The following FES variants were observed in gnomAD, a reference collection of about 807,000 sequenced individuals.
FES encodes tyrosine-protein kinase Fes/Fps.
A neutral mutation model predicts 109.6 loss-of-function variants in FES; 83 were observed. That is an observed-to-expected ratio of 0.76 (90% CI 0.63 to 0.91). The LOEUF (loss-of-function observed/expected upper bound fraction) is 0.91, where lower values mean the gene tolerates loss of function less well. Ranked by LOEUF, FES falls within the 40% of genes least tolerant of loss-of-function variation. FES has a pLI of 0.00. For synonymous variants in FES, 458 were observed against 442.1 expected, an observed-to-expected ratio of 1.04 and a Z score of -0.45; for missense variants, 943 against 1,070.9, an observed-to-expected ratio of 0.88 and a Z score of 1.67.
rs764010129 is a variant in FES at position 90,890,943 on chromosome 15, G to A, written c.1321-39G>A. On this transcript the variant is annotated intron_variant, in intron 10 of 18. Transcript: ENST00000328850. ...GCTGCCCCCACGGCCTCTTCAACAA[G>A]GTGGTTAAGTGACTCCTCCTCGATC... The A allele has an allele frequency of 3.4e-5, 52 of 1,540,502 alleles. No homozygotes were observed. The African/African-American group carries it at 6.0e-4, about 18-fold the overall frequency.
rs1035137581 is a variant in FES, at chr15:90,891,367, T to A, written c.1530+176T>A. On this transcript the variant is annotated intron_variant, in intron 11 of 18. Coordinates refer to ENST00000328850, the MANE Select transcript of FES (RefSeq NM_002005.4). ...CTGTCCCTGCAACAAAATAGAGGCT[T>A]AAGTGTGAGTCCTCCCCTGGTGGGG... 4 of 1,045,768 alleles carry A rather than the reference T, an allele frequency of 3.8e-6. No individual in the cohort carries two copies. In the Admixed American group the frequency reaches 8.3e-5, roughly 22 times the overall value. 64.8% of individuals were successfully genotyped at this position (1,045,768 alleles called of 1,614,324 possible).
chr15:90,893,827 C>G lies in FES; in HGVS notation c.2203+16C>G, dbSNP rs190872088. On this transcript the variant is annotated intron_variant, in intron 17 of 18. Coordinates refer to ENST00000328850, the MANE Select transcript of FES (RefSeq NM_002005.4). ...CTTAACTACGGTACCTAGTCCCTGT[C>G]TACCCTGGACTCCATGGCCAGAGGC... 5.0e-6 allele frequency: 8 copies of G among 1,591,648 alleles called. No individual in the cohort carries two copies. Among genetic ancestry groups the G allele is most frequent in the East Asian group, 2.2e-5 (1 of 44,650 alleles).
Position 90,887,382 on chromosome 15 carries a change from G to A in FES, c.668+12G>A, listed in dbSNP as rs1285655489. Reference sequence around the variant, plus strand: ...ATGGCTTGCATCCTGTAAGCCCGCAGCCCCGTCCCCTGGCCCCCACCCTTG... The same window carrying A: ...ATGGCTTGCATCCTGTAAGCCCGCAACCCCGTCCCCTGGCCCCCACCCTTG... On this transcript the variant is annotated intron_variant, in intron 5 of 18. Transcript: ENST00000328850. 7.5e-6 allele frequency: 12 copies of A among 1,600,616 alleles called. No individual in the cohort carries two copies. The highest frequency in any genetic ancestry group is 1.0e-5 in the Non-Finnish European group (12 of 1,172,334).
chr15:90,894,098 T>A (rs1256758913), intron 18 of FES, 40 bp downstream of exon 18: 1 of 1,607,026 alleles, frequency 6.2e-7, no homozygotes, highest in Middle Eastern at 1.7e-4. Flanking sequence ...GGCTGCACCC[T>A]CTTCCAGATG....
chr15:90,894,778 GAAA>G (rs978438126), intron 18 of FES, among the ~76,000 whole-genome samples: 1 of 149,752 alleles, frequency 6.7e-6, no homozygotes, highest in African/African-American at 2.5e-5. Flanking sequence ...ACTCGAAAAA[GAAA>G]AAAACCTGGG....
chr15:90,890,066 A>G (rs746693227), intron 8 of FES, 26 bp from the exon 9 acceptor site: 33 of 1,523,336 alleles, frequency 2.2e-5, no homozygotes, highest in Non-Finnish European at 2.7e-5. Context: ...ATTCTCATCC[A>G]CCCTCCCACC....
chr15:90,891,065 A>C lies in FES; in HGVS notation c.1404A>C (p.Ala468=), dbSNP rs755183833. The change falls in exon 11 of 19, where the codon GCA becomes GCC. Residue 468 remains alanine (A), a synonymous_variant. Transcript: ENST00000328850. ...QLWYHGAIPR[A]EVAELLVHSG... ...GGTACCACGGGGCCATCCCGAGGGC[A>C]GAGGTGGCTGAGCTGCTGGTGCACT... is the stretch of plus-strand genomic sequence containing the variant. The C allele has an allele frequency of 6.3e-7, 1 of 1,598,442 alleles. No homozygotes were observed. The highest frequency in any genetic ancestry group is 1.3e-5 in the African/African-American group (1 of 74,920).
chr15:90,886,037 T>G (rs1297260863), intron 3 of FES, among the ~76,000 whole-genome samples: 2 of 152,212 alleles, frequency 1.3e-5, no homozygotes, highest in Non-Finnish European at 2.9e-5. Flanking sequence ...TGCCTAGGTT[T>G]GAATCCCACC....
chr15:90,884,651 G>A (rs977926575), intron 1 of FES, 107 bp downstream of exon 1: 49 of 169,000 alleles, frequency 2.9e-4, no homozygotes, highest in Non-Finnish European at 5.6e-4. Flanking sequence ...TGGGGGTAGG[G>A]GCCGCGGAAG....
At chr15:90,894,114 G>C (rs558445677) in intron 18 of FES, 56 bp downstream of exon 18, 27 of 1,598,180 alleles carry the variant, frequency 1.7e-5, no homozygotes, top group Non-Finnish European at 2.3e-5. Context: ...AGATGCTCCA[G>C]CCGGACTCTT....
In FES at chr15:90,892,124, C is replaced by T. The variant is rs745766327; in HGVS notation, c.1707+13C>T. 9 of 1,613,862 alleles carry T rather than the reference C, an allele frequency of 5.6e-6. No individual in the cohort carries two copies. Among genetic ancestry groups the T allele is most frequent in the East Asian group, 2.2e-5 (1 of 44,888 alleles). ...GCAGATTGGACGGGTGAGTGCGCCT[C>T]TGCTGGCCTCCTTGTCGCTGGCGAC... On this transcript the variant is annotated intron_variant, in intron 13 of 18. Transcript: ENST00000328850.
At chr15:90,890,659 G>C (rs1053605267) in intron 10 of FES, 175 bp downstream of exon 10, 32 of 647,788 alleles carry the variant, frequency 4.9e-5, no homozygotes, top group Non-Finnish European at 7.1e-5. Context: ...CCTTTCCATC[G>C]CCCCAGTGTG....
chr15:90,887,825 G>A (rs1358896911), intron 5 of FES, among the ~76,000 whole-genome samples: 1 of 152,346 alleles, frequency 6.6e-6, no homozygotes, highest in South Asian at 2.1e-4. Context: ...AGAGGCCCCT[G>A]AGAGGGGTAC....
chr15:90,895,455 T>C lies in FES; in HGVS notation c.2366T>C (p.Val789Ala). The change falls in exon 19 of 19, where the codon GTG becomes GCG. Residue 789 changes from valine to alanine, a missense_variant. Transcript: ENST00000328850. The part of the protein sequence containing the change: ...LPCPELCPDA[V>A]FRLMEQCWAY... ...TGCCCAGAGCTGTGTCCTGATGCCG[T>C]GTTCAGGCTCATGGAGCAGTGCTGG... The C allele has an allele frequency of 6.3e-7, 1 of 1,586,468 alleles. No individual in the cohort carries two copies. The highest frequency in any genetic ancestry group is 1.4e-5 in the African/African-American group (1 of 73,980).
chr15:90,887,046 A>G lies in FES; in HGVS notation c.473A>G (p.Glu158Gly), dbSNP rs1340546642. 1 of 1,614,122 alleles carries G rather than the reference A, an allele frequency of 6.2e-7. No homozygotes were observed. The highest frequency in any genetic ancestry group is 1.1e-5 in the South Asian group (1 of 91,090). ...GCCCAAGCCAAGCGCAAGTACCAGG[A>G]GGCCAGCAAAGGTTCGTGGCTTCCC... ...DSAQAKRKYQ[E>G]ASKDKDRDKA... Residue 158 changes from glutamate to glycine, a missense_variant, in exon 4 of 19, where the codon GAG (glutamate) becomes GGG (glycine). Transcript: ENST00000328850.
chr15:90,891,473 C>T (rs1484206215), intron 11 of FES, 81 bp from the exon 12 acceptor site: 5 of 1,594,546 alleles, frequency 3.1e-6, no homozygotes, highest in Non-Finnish European at 4.3e-6. Flanking sequence ...CCTTTCTCCC[C>T]TGCTGCTCTC....
intron 3 of FES, 149 bp downstream of exon 3, chr15:90,885,734 C>T: frequency 7.4e-7 from 1 of 1,347,232 alleles, no homozygotes; most frequent in Non-Finnish European, 9.9e-7. Flanking sequence ...GCAGCTTCCT[C>T]TCTTCCTTCC....
At chr15:90,886,897 C>T in intron 3 of FES, 64 bp from the exon 4 acceptor site, 1 of 1,514,216 alleles carries the variant, frequency 6.6e-7, no homozygotes, top group South Asian at 1.1e-5. Context: ...GGGCTTCACC[C>T]CAGGCAAGAA....
Position 90,894,189 on chromosome 15 carries a change from C to T in FES, c.2326+131C>T, listed in dbSNP as rs962630435. 9.3e-6 allele frequency: 10 copies of T among 1,070,590 alleles called. No homozygotes were observed. The African/African-American group carries it at 1.3e-4, about 13-fold the overall frequency. The allele number at this position is 1,070,590 out of a possible 1,614,324, so 66.3% of individuals were successfully genotyped here. On this transcript the variant is annotated intron_variant, in intron 18 of 18. Transcript: ENST00000328850. ...AGAATAACCTGGCCAGTTGCTCACG[C>T]CTGTCATCCCAGCACTTTGGGAGGC...
Sources: allele counts gnomAD v4.1 joint callset (sites outside exome capture counted in the v4.1 genomes callset), GRCh38; gene constraint gnomAD v4.1.1; transcripts MANE v1.5; gene names NCBI Gene and HGNC (gene_info 2026-07-23, HGNC 2026-07-21).